The following CEP112 variants were observed in gnomAD, a reference collection of about 807,000 sequenced individuals.
The protein encoded by CEP112 is centrosomal protein of 112 kDa.
A neutral mutation model predicts 153.0 loss-of-function variants in CEP112; 127 were observed. The observed-to-expected ratio is 0.83, with a 90% CI of 0.72 to 0.96. The LOEUF (loss-of-function observed/expected upper bound fraction) is 0.96. Ranked by LOEUF, CEP112 falls within the 40% of genes least tolerant of loss-of-function variation. The pLI is 0.00. For synonymous variants in CEP112, 358 were observed against 374.4 expected, an observed-to-expected ratio of 0.96 and a Z score of 0.51; for missense variants, 1,089 against 1,101.2, an observed-to-expected ratio of 0.99 and a Z score of 0.16.
At chr17:66,174,608 A>C (rs1391269805) in intron 4 of CEP112, among the ~76,000 whole-genome samples, 4 of 152,128 alleles carry the variant, frequency 2.6e-5, no homozygotes, top group African/African-American at 9.7e-5. Flanking sequence ...ACATTTCAAA[A>C]ATTTGGAAAT....
intron 8 of CEP112, among the ~76,000 whole-genome samples, chr17:66,095,644 C>T (rs868548886): frequency 3.9e-5 from 6 of 152,142 alleles, no homozygotes; most frequent in South Asian, 2.1e-4. Context: ...TCAAAAATCA[C>T]TATGAGAGTA....
At chr17:65,772,432 A>G (rs2053413604) in intron 21 of CEP112, among the ~76,000 whole-genome samples, 1 of 152,210 alleles carries the variant, frequency 6.6e-6, no homozygotes, top group African/African-American at 2.4e-5. Flanking sequence ...CAGATTCTGT[A>G]GACATTAATA....
intron 11 of CEP112, among the ~76,000 whole-genome samples, chr17:66,061,906 T>C (rs1364563443): frequency 6.6e-6 from 1 of 152,140 alleles, no homozygotes; most frequent in Non-Finnish European, 1.5e-5. Context: ...CCATAATCCC[T>C]ATGTGTCAAA....
At chr17:65,844,219 A>G (rs1011039979) in intron 21 of CEP112, among the ~76,000 whole-genome samples, 2 of 152,230 alleles carry the variant, frequency 1.3e-5, no homozygotes, top group African/African-American at 2.4e-5. Context: ...TAATAAATCT[A>G]CAGACTAAGT....
intron 4 of CEP112, among the ~76,000 whole-genome samples, chr17:66,152,559 T>C (rs1568552222): frequency 2.0e-5 from 3 of 152,164 alleles, no homozygotes; most frequent in Non-Finnish European, 2.9e-5. Flanking sequence ...CTTTGGACAC[T>C]GCATAGACAT....
At chr17:66,037,380 CCT>C (rs1168066013) in intron 12 of CEP112, among the ~76,000 whole-genome samples, 8 of 152,128 alleles carry the variant, frequency 5.3e-5, no homozygotes, top group Non-Finnish European at 1.2e-4. Context: ...CTCTCCTCTC[CCT>C]GTTCTCTCCT....
intron 21 of CEP112, among the ~76,000 whole-genome samples, chr17:65,846,602 T>C (rs1326192889): frequency 1.3e-5 from 2 of 152,366 alleles, no homozygotes; most frequent in African/African-American, 4.8e-5. Flanking sequence ...GGAGTCTCGC[T>C]CTGTTGCCTA....
In CEP112 at chr17:65,773,692, T is replaced by C. The variant is rs371697898; in HGVS notation, c.2395-22968A>G. The stretch of plus-strand genomic sequence containing the variant: ...TTTTTCGGTGCAATGTTTTTGCACA[T>C]TACCTGGATATTTCTGAAGTCTTAA... On this transcript the variant is annotated intron_variant, in intron 21 of 26. Transcript: ENST00000535342. 3.3e-5 allele frequency among the ~76,000 whole-genome samples: 5 copies of C among 152,206 alleles called. No individual in the cohort carries two copies. In the East Asian group the frequency reaches 9.6e-4, roughly 29 times the overall value.
intron 18 of CEP112, among the ~76,000 whole-genome samples, chr17:65,950,596 ATTAG>A (rs1006030727): frequency 1.8e-4 from 28 of 152,188 alleles, no homozygotes; most frequent in Non-Finnish European, 3.1e-4. Context: ...TAAATCATGT[ATTAG>A]TTCTAGTATA....
chr17:66,002,064 T>TTAA (rs2064079452), intron 17 of CEP112, among the ~76,000 whole-genome samples: 1 of 152,194 alleles, frequency 6.6e-6, no homozygotes, highest in East Asian at 1.9e-4. Context: ...TTAGAAACAA[T>TTAA]AGCAACAGGC....
chr17:65,681,545 A>G (rs919396520), intron 24 of CEP112, among the ~76,000 whole-genome samples: 1 of 150,670 alleles, frequency 6.6e-6, no homozygotes, highest in Non-Finnish European at 1.5e-5. Context: ...CTAGGATGCA[A>G]CATCTAAAAA....
At chr17:66,010,725 T>C (rs972262054) in intron 16 of CEP112, among the ~76,000 whole-genome samples, 2 of 152,174 alleles carry the variant, frequency 1.3e-5, no homozygotes, top group Non-Finnish European at 2.9e-5. Context: ...TCCTGTGGGT[T>C]TTGTCTTTAG....
At chr17:65,646,294 G>A (rs964677350) in intron 24 of CEP112, among the ~76,000 whole-genome samples, 2 of 152,110 alleles carry the variant, frequency 1.3e-5, no homozygotes, top group Non-Finnish European at 2.9e-5. Context: ...TGATTTTAGT[G>A]AGTTTGAATG....
At chr17:66,183,761 T>C (rs1321018728) in intron 1 of CEP112, among the ~76,000 whole-genome samples, 1 of 151,954 alleles carries the variant, frequency 6.6e-6, no homozygotes, top group African/African-American at 2.4e-5. Context: ...AACAATTGGA[T>C]ATCCATATAC....
intron 24 of CEP112, among the ~76,000 whole-genome samples, chr17:65,642,288 A>G (rs2045184917): frequency 6.6e-6 from 1 of 152,226 alleles, no homozygotes; most frequent in African/African-American, 2.4e-5. Flanking sequence ...GTGATTCATC[A>G]TACGCACCTG....
intron 8 of CEP112, among the ~76,000 whole-genome samples, chr17:66,079,722 C>T (rs1158746279): frequency 6.6e-6 from 1 of 151,996 alleles, no homozygotes; most frequent in Non-Finnish European, 1.5e-5. Flanking sequence ...GCAAAAAGAA[C>T]AAGGCTGGAG....
intron 19 of CEP112, among the ~76,000 whole-genome samples, chr17:65,910,206 T>A (rs985192275): frequency 6.6e-6 from 1 of 152,154 alleles, no homozygotes; most frequent in Non-Finnish European, 1.5e-5. Flanking sequence ...TTTTTCTCCA[T>A]CCCTATCACG....
intron 21 of CEP112, among the ~76,000 whole-genome samples, chr17:65,799,102 T>C: frequency 6.6e-6 from 1 of 152,186 alleles, no homozygotes; most frequent in Non-Finnish European, 1.5e-5. Flanking sequence ...AAGTATATGA[T>C]AATGTAGTAT....
intron 19 of CEP112, among the ~76,000 whole-genome samples, chr17:65,920,504 C>T (rs556722199): frequency 6.9e-6 from 1 of 145,816 alleles, no homozygotes; most frequent in Non-Finnish European, 1.5e-5. Flanking sequence ...CAGAGTAGTG[C>T]CTGGTCCAGG....
Sources: allele counts gnomAD v4.1 joint callset (sites outside exome capture counted in the v4.1 genomes callset), GRCh38; gene constraint gnomAD v4.1.1; transcripts MANE v1.5; gene names NCBI Gene and HGNC (gene_info 2026-07-23, HGNC 2026-07-21).